SYT1: variants seen among roughly 807,000 people sequenced by gnomAD.
The protein encoded by SYT1 is synaptotagmin-1.
Under a neutral mutation model 44.8 loss-of-function variants are expected in SYT1, and 8 were observed. The observed-to-expected ratio is 0.18, with a 90% CI of 0.10 to 0.32. SYT1 has a LOEUF of 0.32. Among genes scored for constraint, SYT1 ranks in the 10% least tolerant of loss-of-function variants. The pLI is 1.00. For missense variants in SYT1, 286 were observed against 509.3 expected, an observed-to-expected ratio of 0.56 and a Z score of 4.22; for synonymous variants, 154 against 188.8, an observed-to-expected ratio of 0.82 and a Z score of 1.51.
chr12:79,349,011 GAA>G (rs1565919759), intron 8 of SYT1, among the ~76,000 whole-genome samples: 5 of 108,384 alleles, frequency 4.6e-5, no homozygotes, highest in African/African-American at 1.8e-4. Context: ...AAGAAAGAAA[GAA>G]AGAAAGAAAG....
intron 1 of SYT1, among the ~76,000 whole-genome samples, chr12:78,947,539 T>A (rs80023670): frequency 0.08 from 10,201 of 127,088 alleles, 425 homozygotes; most frequent in East Asian, 0.19. Context: ...AAAAAAAAAA[T>A]TCACTTAGGA....
At chr12:78,870,030 A>G (rs536716298) in intron 1 of SYT1, among the ~76,000 whole-genome samples, 2 of 152,222 alleles carry the variant, frequency 1.3e-5, no homozygotes, top group Non-Finnish European at 2.9e-5. Context: ...CACGCCTTCT[A>G]TTTCTAGCTG....
At chr12:79,180,293 A>C (rs1021721717) in intron 3 of SYT1, among the ~76,000 whole-genome samples, 1 of 152,064 alleles carries the variant, frequency 6.6e-6, no homozygotes, top group African/African-American at 2.4e-5. Flanking sequence ...CTTACACACT[A>C]TCCTCACTTC....
intron 3 of SYT1, among the ~76,000 whole-genome samples, chr12:79,139,586 A>G (rs1869427686): frequency 6.6e-6 from 1 of 152,182 alleles, no homozygotes; most frequent in Admixed American, 6.5e-5. Flanking sequence ...GTAGGTGTAG[A>G]GTCAATGTTA....
In SYT1 at chr12:79,310,566, C is replaced by T. The variant is rs866745188; in HGVS notation, c.810+11015C>T. Among the ~76,000 whole-genome samples, 3 of 152,230 alleles carry T rather than the reference C, an allele frequency of 2.0e-5. No individual in the cohort carries two copies. In the South Asian group the frequency reaches 6.2e-4, roughly 32 times the overall value. ...ATTCTGTGAAGAAAGTCATTGGTAG[C>T]TTGATGGGAATGGCATTGAATCTAT... On this transcript the variant is annotated intron_variant, in intron 8 of 10. Transcript: ENST00000261205.
chr12:79,014,486 GA>G (rs1465095868), intron 2 of SYT1, among the ~76,000 whole-genome samples: 2 of 152,050 alleles, frequency 1.3e-5, no homozygotes, highest in African/African-American at 2.4e-5. Flanking sequence ...GGCCATCAGA[GA>G]AATGCAAATC....
intron 4 of SYT1, among the ~76,000 whole-genome samples, chr12:79,279,996 CACAA>C (rs1878959302): frequency 6.6e-6 from 1 of 151,972 alleles, no homozygotes; most frequent in Non-Finnish European, 1.5e-5. Flanking sequence ...TCATAGATGA[CACAA>C]ACAAATGGAA....
intron 4 of SYT1, among the ~76,000 whole-genome samples, chr12:79,243,988 C>T (rs1876672238): frequency 6.6e-6 from 1 of 152,072 alleles, no homozygotes; most frequent in Non-Finnish European, 1.5e-5. Context: ...ACATGAAAAG[C>T]ATAATCCTGT....
At chr12:79,267,103 G>A (rs550365785) in intron 4 of SYT1, among the ~76,000 whole-genome samples, 1 of 152,020 alleles carries the variant, frequency 6.6e-6, no homozygotes, top group East Asian at 1.9e-4. Context: ...AGGTAGTGGA[G>A]GAAAAAAAAT....
chr12:78,918,831 T>A (rs1459640089), intron 1 of SYT1, among the ~76,000 whole-genome samples: 1 of 152,122 alleles, frequency 6.6e-6, no homozygotes, highest in Non-Finnish European at 1.5e-5. Context: ...TTATGTATGA[T>A]GATGGTAAAG....
intron 3 of SYT1, among the ~76,000 whole-genome samples, chr12:79,216,098 A>G (rs2138557391): frequency 6.6e-6 from 1 of 151,200 alleles, no homozygotes. Context: ...CACCTGACTA[A>G]TTTTTATATT....
intron 1 of SYT1, among the ~76,000 whole-genome samples, chr12:78,870,934 C>A (rs1247506804): frequency 6.6e-6 from 1 of 151,936 alleles, no homozygotes; most frequent in Non-Finnish European, 1.5e-5. Context: ...TTTTAAAATG[C>A]GATACTGAAT....
chr12:78,987,739 AT>A (rs1485198084), intron 2 of SYT1, among the ~76,000 whole-genome samples: 1 of 152,072 alleles, frequency 6.6e-6, no homozygotes, highest in Non-Finnish European at 1.5e-5. Flanking sequence ...TTACTAGTGA[AT>A]TTTACTCAAC....
chr12:79,245,330 C>G (rs975298070), intron 4 of SYT1, among the ~76,000 whole-genome samples: 3 of 148,722 alleles, frequency 2.0e-5, no homozygotes, highest in Admixed American at 2.0e-4. Context: ...AAAAAATTAG[C>G]CAGGCATGTT....
At chr12:79,312,607 C>T (rs1880863993) in intron 8 of SYT1, among the ~76,000 whole-genome samples, 1 of 152,126 alleles carries the variant, frequency 6.6e-6, no homozygotes, top group African/African-American at 2.4e-5. Flanking sequence ...CAAGCCTAAT[C>T]TTAGGTAGTC....
At chr12:79,160,462 A>C (rs1359179374) in intron 3 of SYT1, among the ~76,000 whole-genome samples, 1 of 152,182 alleles carries the variant, frequency 6.6e-6, no homozygotes, top group Non-Finnish European at 1.5e-5. Context: ...ACGTGAACTA[A>C]GGGAAAGCAT....
intron 3 of SYT1, among the ~76,000 whole-genome samples, chr12:79,049,005 T>C (rs1363224304): frequency 6.6e-6 from 1 of 151,960 alleles, no homozygotes; most frequent in African/African-American, 2.4e-5. Context: ...ACAATACTCA[T>C]TGGAAAATGG....
intron 8 of SYT1, among the ~76,000 whole-genome samples, chr12:79,300,969 T>A (rs1411999964): frequency 6.6e-6 from 1 of 151,338 alleles, no homozygotes; most frequent in Non-Finnish European, 1.5e-5. Flanking sequence ...TTCCTATAAG[T>A]GAACTAATAG....
intron 9 of SYT1, among the ~76,000 whole-genome samples, chr12:79,402,582 C>T (rs760767803): frequency 6.6e-6 from 1 of 152,024 alleles, no homozygotes; most frequent in African/African-American, 2.4e-5. Context: ...TCAATCACAT[C>T]GATGCCAGAG....
Sources: gnomAD v4.1 joint callset for allele counts (sites outside exome capture counted in the v4.1 genomes callset) on GRCh38, gnomAD v4.1.1 for gene constraint, MANE v1.5 for transcripts, NCBI Gene and HGNC (gene_info 2026-07-23, HGNC 2026-07-21) for gene names.